RAB6B: variants seen among roughly 807,000 people sequenced by gnomAD.
RAB6B encodes the protein RAB6B, member RAS oncogene family.
A neutral mutation model predicts 31.2 loss-of-function variants in RAB6B; 7 were observed. That is an observed-to-expected ratio of 0.22 (90% confidence interval 0.13 to 0.42). The LOEUF is 0.42. Among genes scored for constraint, RAB6B ranks in the 10% least tolerant of loss-of-function variants. The probability of loss-of-function intolerance (pLI) is 1.00; values close to 1 mark genes in which losing one functional copy is unlikely to be tolerated. For synonymous variants in RAB6B, 105 were observed against 104.9 expected (o/e 1.00, Z -0.01); for missense variants, 149 against 280.6 (o/e 0.53, Z 3.35).
At chr3:133,862,784 C>A (rs963919844) in intron 2 of RAB6B, among the ~76,000 whole-genome samples, 3 of 152,152 alleles carry the variant, frequency 2.0e-5, no homozygotes, top group African/African-American at 4.8e-5. Flanking sequence ...ACTAATGGGA[C>A]CCACTGCACA....
intron 1 of RAB6B, among the ~76,000 whole-genome samples, chr3:133,888,914 C>T (rs980373057): frequency 4.6e-5 from 7 of 152,126 alleles, no homozygotes; most frequent in Non-Finnish European, 1.0e-4. Flanking sequence ...TGTCTTTCCA[C>T]CCTAACAAAA....
intron 1 of RAB6B, among the ~76,000 whole-genome samples, chr3:133,880,011 T>C (rs925648582): frequency 1.4e-4 from 21 of 152,202 alleles, no homozygotes; most frequent in African/African-American, 4.8e-4. Flanking sequence ...GGCCAGACCC[T>C]ACACAGGCCA....
At chr3:133,828,970 G>C (rs1333200252) in intron 7 of RAB6B, 118 bp from the exon 8 acceptor site, 3 of 1,003,348 alleles carry the variant, frequency 3.0e-6, no homozygotes, top group Non-Finnish European at 4.3e-6. Context: ...TAGGGACTTG[G>C]CTCTTGGTTT....
intron 1 of RAB6B, among the ~76,000 whole-genome samples, chr3:133,864,960 C>G (rs1470808025): frequency 1.3e-5 from 2 of 152,230 alleles, no homozygotes; most frequent in Non-Finnish European, 2.9e-5. Flanking sequence ...GATGCAAGAA[C>G]CATCTATAAA....
At chr3:133,853,119 T>C (rs548284839) in intron 2 of RAB6B, among the ~76,000 whole-genome samples, 1 of 152,214 alleles carries the variant, frequency 6.6e-6, no homozygotes. Context: ...AGGTAGGCCA[T>C]ATCCTCCTGA....
chr3:133,851,131 A>C lies in RAB6B; in HGVS notation c.130-9468T>G, dbSNP rs144352506. On this transcript the variant is annotated intron_variant, in intron 2 of 7. Transcript: ENST00000285208. Reference sequence around the variant, plus strand: ...AACAAAAACAAAGAGAATTTGTGGCAAGCAGAACTTCACTACAAGAAATGT... The same window carrying C: ...AACAAAAACAAAGAGAATTTGTGGCCAGCAGAACTTCACTACAAGAAATGT... 1.4e-3 allele frequency among the ~76,000 whole-genome samples: 220 copies of C among 152,338 alleles called. 1 individual carries two copies. The highest frequency in any genetic ancestry group is 5.1e-3 in the African/African-American group (213 of 41,584).
intron 1 of RAB6B, among the ~76,000 whole-genome samples, chr3:133,869,970 A>T (rs1936293183): frequency 6.6e-6 from 1 of 152,218 alleles, no homozygotes; most frequent in South Asian, 2.1e-4. Context: ...GTCTTGAGCC[A>T]CTAAGTTTTG....
rs2107987269 is a variant in RAB6B at position 133,834,648 on chromosome 3, A to G, written c.496-7T>C. ...ACGCCACACGTCGAAAAAGCTGGAA[A>G]GATGAAGAAATGCAGTGTGAACCCC... On this transcript the variant is annotated splice_region_variant and splice_polypyrimidine_tract_variant and intron_variant, in intron 6 of 7. Transcript: ENST00000285208. The G allele has an allele frequency of 3.1e-6, 5 of 1,613,970 alleles. No individual in the cohort carries two copies. Among genetic ancestry groups the G allele is most frequent in the Non-Finnish European group, 4.2e-6 (5 of 1,179,820 alleles).
At chr3:133,830,644 C>G (rs1232935726) in intron 7 of RAB6B, among the ~76,000 whole-genome samples, 1 of 152,208 alleles carries the variant, frequency 6.6e-6, no homozygotes, top group Non-Finnish European at 1.5e-5. Flanking sequence ...AGCTACCTCA[C>G]TTCCACATTA....
rs956797182 is a variant in RAB6B, at chr3:133,827,542, G to A, written c.*1246C>T. ...GCTCTCTGGGGGCAAGCAGCCTTCTGGAGACCCCACCTGAACCACATCCTC... is the reference window on the plus strand; with the variant it reads ...GCTCTCTGGGGGCAAGCAGCCTTCTAGAGACCCCACCTGAACCACATCCTC... On this transcript the variant is annotated 3_prime_UTR_variant, in exon 8 of 8. Coordinates refer to ENST00000285208, the MANE Select transcript of RAB6B (RefSeq NM_016577.4). 3 of 238,036 alleles carry A rather than the reference G, an allele frequency of 1.3e-5. No homozygotes were observed. The highest frequency in any genetic ancestry group is 6.8e-5 in the African/African-American group (3 of 44,422). The allele number at this position is 238,036 out of a possible 1,614,324, so 14.7% of individuals were successfully genotyped here.
intron 1 of RAB6B, among the ~76,000 whole-genome samples, chr3:133,876,184 A>G (rs115855892): frequency 0.011 from 1,742 of 152,290 alleles, 30 homozygotes; most frequent in African/African-American, 0.04. Context: ...ATGTTCACGT[A>G]AGACTCTACC....
intron 1 of RAB6B, among the ~76,000 whole-genome samples, chr3:133,892,400 T>C (rs988508847): frequency 6.6e-5 from 10 of 152,274 alleles, no homozygotes; most frequent in Middle Eastern, 3.4e-3. Flanking sequence ...TTTCACTGGC[T>C]TGAGGTATTT....
chr3:133,840,461 C>T (rs576447143), intron 4 of RAB6B, among the ~76,000 whole-genome samples: 1 of 152,354 alleles, frequency 6.6e-6, no homozygotes, highest in East Asian at 1.9e-4. Context: ...CTCCCACCTG[C>T]ACTCAGGTGT....
intron 6 of RAB6B, among the ~76,000 whole-genome samples, chr3:133,835,856 T>C (rs1482517572): frequency 6.6e-6 from 1 of 152,032 alleles, no homozygotes; most frequent in Non-Finnish European, 1.5e-5. Context: ...CACCAGACAC[T>C]GAATATGCCT....
chr3:133,863,726 C>T (rs1936195167), intron 2 of RAB6B, among the ~76,000 whole-genome samples: 1 of 152,156 alleles, frequency 6.6e-6, no homozygotes, highest in Non-Finnish European at 1.5e-5. Flanking sequence ...CCTACCAACA[C>T]CTCTTGGAAT....
chr3:133,856,052 C>T lies in RAB6B; in HGVS notation c.129+8532G>A, dbSNP rs576254294. On this transcript the variant is annotated intron_variant, in intron 2 of 7. Coordinates refer to ENST00000285208, the MANE Select transcript of RAB6B (RefSeq NM_016577.4). ...CAGCACGCACGAAGATGAGAACCCACAGGCCACGACGGCAGAATGGAAAAA... is the reference window on the plus strand; with the variant it reads ...CAGCACGCACGAAGATGAGAACCCATAGGCCACGACGGCAGAATGGAAAAA... Among the ~76,000 whole-genome samples, 18 of 152,162 alleles carry T rather than the reference C, an allele frequency of 1.2e-4. No individual in the cohort carries two copies. In the South Asian group the frequency reaches 2.5e-3, roughly 21 times the overall value.
At chr3:133,885,366 G>A (rs756161373) in intron 1 of RAB6B, among the ~76,000 whole-genome samples, 4 of 148,332 alleles carry the variant, frequency 2.7e-5, no homozygotes, top group Non-Finnish European at 4.5e-5. Context: ...ACCAGAGGAC[G>A]GGGGACTCAC....
Position 133,895,626 on chromosome 3 carries a change from G to T in RAB6B, c.-160C>A. 1 of 658,312 alleles carries T rather than the reference G, an allele frequency of 1.5e-6. No individual in the cohort carries two copies. The highest frequency in any genetic ancestry group is 2.6e-6 in the Non-Finnish European group (1 of 388,336). The allele number at this position is 658,312 out of a possible 1,614,324, so 40.8% of individuals were successfully genotyped here. On this transcript the variant is annotated 5_prime_UTR_variant, in exon 1 of 8. Transcript: ENST00000285208. ...ACTCCCCAGCTGCGTCCCGGTCCCG[G>T]CCTGCGGCTGCGTGTCCGGCGGCGG...
chr3:133,879,439 C>T (rs1936437822), intron 1 of RAB6B, among the ~76,000 whole-genome samples: 1 of 152,208 alleles, frequency 6.6e-6, no homozygotes, highest in Admixed American at 6.5e-5. Context: ...CTGCTCTGCG[C>T]CCTTCTAACC....
Sources: allele counts gnomAD v4.1 joint callset (sites outside exome capture counted in the v4.1 genomes callset), GRCh38; gene constraint gnomAD v4.1.1; transcripts MANE v1.5; gene names NCBI Gene and HGNC (gene_info 2026-07-23, HGNC 2026-07-21).